Variants in MIDEAS observed in about 807,000 individuals in gnomAD.
MIDEAS encodes mitotic deacetylase-associated SANT domain protein.
Under a neutral mutation model 102.7 loss-of-function variants are expected in MIDEAS, and 26 were observed. That is an observed-to-expected ratio of 0.25 (90% CI 0.19 to 0.35). The LOEUF (loss-of-function observed/expected upper bound fraction) is 0.35, where lower values mean the gene tolerates loss of function less well. MIDEAS is among the 10% of genes least tolerant of loss of function. MIDEAS has a pLI of 1.00. For synonymous variants in MIDEAS, 585 were observed against 591.0 expected, an observed-to-expected ratio of 0.99 and a Z score of 0.15; for missense variants, 1,231 against 1,435.6, an observed-to-expected ratio of 0.86 and a Z score of 2.30.
intron 1 of MIDEAS, among the ~76,000 whole-genome samples, chr14:73,785,685 T>G (rs951172006): frequency 6.6e-6 from 1 of 152,070 alleles, no homozygotes; most frequent in Non-Finnish European, 1.5e-5. Context: ...TTTAGAGAGG[T>G]TGATAGCCAT....
upstream of MIDEAS, among the ~76,000 whole-genome samples, chr14:73,762,541 G>C (rs1440059365): frequency 6.6e-6 from 1 of 152,196 alleles, no homozygotes; most frequent in Non-Finnish European, 1.5e-5. Flanking sequence ...GCCCCCCCTT[G>C]GCAGGAGAAG....
Position 73,722,807 on chromosome 14 carries a change from T to C in MIDEAS, c.2615A>G (p.Tyr872Cys). Residue 872 changes from tyrosine (Y) to cysteine (C), a missense_variant, in exon 10 of 13, where the codon TAC (tyrosine) becomes TGC (cysteine). Tyr to Cys is a radical substitution (Grantham distance 194). This residue lies in a region of MIDEAS where 391 missense variants were observed against 483.0 expected (regional missense o/e 0.81). Coordinates refer to ENST00000423556, the MANE Select transcript of MIDEAS (RefSeq NM_001367710.1). ...GATTTTCACCTGCTTCTTGTAGGTG[T>C]AGTAGAACTCCACGCACTGGGCCAC... ...KTVAQCVEFY[Y>C]TYKKQVKIGR... 6.2e-7 allele frequency: 1 copy of C among 1,614,196 alleles called. No individual in the cohort carries two copies. The highest frequency in any genetic ancestry group is 8.5e-7 in the Non-Finnish European group (1 of 1,180,010).
intron 1 of MIDEAS, among the ~76,000 whole-genome samples, chr14:73,781,637 G>A (rs1033467075): frequency 1.4e-5 from 2 of 147,584 alleles, no homozygotes; most frequent in African/African-American, 2.5e-5. Context: ...GGGAGGCCGA[G>A]GTAGTAGAAT....
chr14:73,745,026 G>A (rs534491964), intron 1 of MIDEAS, among the ~76,000 whole-genome samples: 6 of 152,180 alleles, frequency 3.9e-5, no homozygotes, highest in Non-Finnish European at 8.8e-5. Flanking sequence ...GTATCTGCCT[G>A]TCAGGATGCT....
chr14:73,722,371 A>T (rs1208570396), intron 10 of MIDEAS: 1 of 182,598 alleles, frequency 5.5e-6, no homozygotes. Context: ...GGATGCAGAT[A>T]TGGCAGAAAT....
intron 9 of MIDEAS, chr14:73,724,963 C>G: frequency 3.6e-6 from 1 of 278,282 alleles, no homozygotes; most frequent in African/African-American, 2.2e-5. Flanking sequence ...TGGCTCACCT[C>G]TACTTGCCAC....
At chr14:73,746,052 G>A (rs1353807317) in intron 1 of MIDEAS, among the ~76,000 whole-genome samples, 1 of 152,222 alleles carries the variant, frequency 6.6e-6, no homozygotes, top group Non-Finnish European at 1.5e-5. Context: ...CAAGCTGCCT[G>A]AAGTTTGAGC....
At chr14:73,746,481 G>A (rs755457420) in intron 1 of MIDEAS, among the ~76,000 whole-genome samples, 11 of 152,160 alleles carry the variant, frequency 7.2e-5, no homozygotes, top group Non-Finnish European at 1.2e-4. Context: ...GGCTTCCTCC[G>A]CAGGAGACTC....
Position 73,716,918 on chromosome 14 carries a change from C to T in MIDEAS, c.*1925G>A, listed in dbSNP as rs1483907274. ...TTTCGAAGAGAGCCTAAATTTGCTA[C>T]CCCCCTGCTTCTACAGGGTATACCA... On this transcript the variant is annotated 3_prime_UTR_variant, in exon 13 of 13. Coordinates refer to ENST00000423556, the MANE Select transcript of MIDEAS (RefSeq NM_001367710.1). 6.6e-6 allele frequency: 1 copy of T among 152,578 alleles called. No homozygotes were observed. The highest frequency in any genetic ancestry group is 1.5e-5 in the Non-Finnish European group (1 of 68,024). 9.5% of individuals were successfully genotyped at this position (152,578 alleles called of 1,614,324 possible). A position where few individuals can be genotyped will look rare whatever the true frequency, so the allele number is the denominator to read the frequency against.
At chr14:73,730,349 A>C (rs775930465) in intron 3 of MIDEAS, among the ~76,000 whole-genome samples, 11 of 152,188 alleles carry the variant, frequency 7.2e-5, no homozygotes, top group Non-Finnish European at 1.3e-4. Context: ...TCTGCTGTAA[A>C]GTGTGTGACA....
At chr14:73,744,832 A>C (rs777437036) in intron 1 of MIDEAS, among the ~76,000 whole-genome samples, 1 of 152,052 alleles carries the variant, frequency 6.6e-6, no homozygotes, top group African/African-American at 2.4e-5. Context: ...TTAATCCTTC[A>C]GGTTGCAGAC....
chr14:73,748,203 C>T (rs1403818278), intron 1 of MIDEAS, among the ~76,000 whole-genome samples: 9 of 152,106 alleles, frequency 5.9e-5, no homozygotes, highest in Non-Finnish European at 1.0e-4. Flanking sequence ...TAAATCCTAC[C>T]TTATCCATAA....
In MIDEAS at chr14:73,718,915, CT is replaced by C; in HGVS notation, c.3227del (p.Glu1076GlyfsTer73). The C allele has an allele frequency of 6.6e-7, 1 of 1,524,726 alleles. No individual in the cohort carries two copies. The allele number at this position is 1,524,726 out of a possible 1,614,324, so 94.4% of individuals were successfully genotyped here. A position where few individuals can be genotyped will look rare whatever the true frequency, so the allele number is the denominator to read the frequency against. On this transcript the variant is annotated frameshift_variant, in exon 13 of 13. Coordinates refer to ENST00000423556, the MANE Select transcript of MIDEAS (RefSeq NM_001367710.1). LOFTEE classifies it high-confidence loss of function. The part of the protein sequence containing the change: ...KAAALRLKEK[E>X]AAAAAAAAHQ... ...GGGCGGCGGCGGCGGCAGCAGCGGC[CT>C]CTTTCTCCTTCAGCCTCAGCGCTGC...
chr14:73,730,614 C>T (rs1480627597), intron 3 of MIDEAS, among the ~76,000 whole-genome samples: 1 of 152,080 alleles, frequency 6.6e-6, no homozygotes, highest in African/African-American at 2.4e-5. Flanking sequence ...CCAGGCTCTG[C>T]GTTAGATGAA....
Position 73,718,622 on chromosome 14 carries a change from C to T in MIDEAS, c.*221G>A. ...AGGAAAGCACGAGGACAGCTTCCGA[C>T]AGACCAAATGCAAAGAGAGCTGGAT... On this transcript the variant is annotated 3_prime_UTR_variant, in exon 13 of 13. Coordinates refer to ENST00000423556, the MANE Select transcript of MIDEAS (RefSeq NM_001367710.1). 2.4e-6 allele frequency: 1 copy of T among 423,696 alleles called. No homozygotes were observed. Among genetic ancestry groups the T allele is most frequent in the Non-Finnish European group, 4.0e-6 (1 of 251,546 alleles). 26.2% of individuals were successfully genotyped at this position (423,696 alleles called of 1,614,324 possible).
At chr14:73,761,315 GCC>G, upstream of MIDEAS, among the ~76,000 whole-genome samples, 1 of 152,172 alleles carries the variant, frequency 6.6e-6, no homozygotes. Flanking sequence ...GGCCTACAGG[GCC>G]AGGGTGGGGT....
chr14:73,731,438 G>A (rs758731898), intron 3 of MIDEAS, among the ~76,000 whole-genome samples: 12 of 151,106 alleles, frequency 7.9e-5, no homozygotes, highest in African/African-American at 2.7e-4. Flanking sequence ...GAAACTGTTC[G>A]TTCTTCTTCC....
intron 1 of MIDEAS, among the ~76,000 whole-genome samples, chr14:73,782,394 G>A (rs1012193275): frequency 6.6e-6 from 1 of 152,124 alleles, no homozygotes; most frequent in Non-Finnish European, 1.5e-5. Context: ...GAGAGAGAGA[G>A]AATCTCTGTC....
chr14:73,767,739 G>C (rs142157618), intron 1 of MIDEAS, among the ~76,000 whole-genome samples: 193 of 152,332 alleles, frequency 1.3e-3, no homozygotes, highest in African/African-American at 4.5e-3. Flanking sequence ...ATGAAAGTAG[G>C]CCCATGTAAT....
Sources: allele counts gnomAD v4.1 joint callset (sites outside exome capture counted in the v4.1 genomes callset), GRCh38; gene constraint gnomAD v4.1.1; regional missense constraint gnomAD v4.1.1; transcripts MANE v1.5; gene names NCBI Gene and HGNC (gene_info 2026-07-23, HGNC 2026-07-21).